Variants in NKAIN2 observed in about 807,000 individuals in gnomAD.
NKAIN2 encodes sodium/potassium-transporting ATPase subunit beta-1-interacting protein 2.
In NKAIN2, 14 loss-of-function variants were observed where a neutral mutation model predicts 32.6. The observed-to-expected ratio is 0.43, with a 90% confidence interval of 0.28 to 0.67. The LOEUF (loss-of-function observed/expected upper bound fraction) is 0.67, where lower values mean the gene tolerates loss of function less well. Ranked by LOEUF, NKAIN2 falls within the 30% of genes least tolerant of loss-of-function variation. The pLI, the probability that NKAIN2 is intolerant of heterozygous loss-of-function variation, is 0.17. For missense variants in NKAIN2, 198 were observed against 258.3 expected (o/e 0.77, Z 1.60); for synonymous variants, 80 against 87.2 (o/e 0.92, Z 0.46).
intron 1 of NKAIN2, among the ~76,000 whole-genome samples, chr6:123,852,646 G>A (rs59250482): frequency 0.39 from 59,959 of 151,978 alleles, 11,970 homozygotes; most frequent in African/African-American, 0.42. Context: ...TAAAGAAAAC[G>A]TGGAAAATAC....
At chr6:124,266,363 G>C (rs370222864) in intron 1 of NKAIN2, among the ~76,000 whole-genome samples, 1 of 151,980 alleles carries the variant, frequency 6.6e-6, no homozygotes, top group Non-Finnish European at 1.5e-5. Flanking sequence ...CTTTAGCCTC[G>C]ACTTCTTGAG....
intron 3 of NKAIN2, among the ~76,000 whole-genome samples, chr6:124,639,354 G>GGT (rs1292960416): frequency 6.6e-6 from 1 of 152,094 alleles, no homozygotes; most frequent in Non-Finnish European, 1.5e-5. Flanking sequence ...AAGAAAATAC[G>GGT]GTGTATATAG....
chr6:124,128,459 T>G (rs1359387649), intron 1 of NKAIN2, among the ~76,000 whole-genome samples: 2 of 152,192 alleles, frequency 1.3e-5, no homozygotes, highest in African/African-American at 4.8e-5. Flanking sequence ...TATTTAATAT[T>G]TATTGGGTGT....
chr6:124,025,629 C>T (rs766521350), intron 1 of NKAIN2, among the ~76,000 whole-genome samples: 76 of 152,160 alleles, frequency 5.0e-4, no homozygotes, highest in Middle Eastern at 3.4e-3. Context: ...ATCATGATGA[C>T]TGTAGTTAAT....
chr6:124,668,497 C>T (rs1375774306), intron 4 of NKAIN2, among the ~76,000 whole-genome samples: 1 of 152,096 alleles, frequency 6.6e-6, no homozygotes, highest in Non-Finnish European at 1.5e-5. Context: ...TTCCCTACCC[C>T]CTGTTCCATA....
chr6:124,101,959 G>C (rs1020793018), intron 1 of NKAIN2, among the ~76,000 whole-genome samples: 4 of 152,144 alleles, frequency 2.6e-5, no homozygotes, highest in South Asian at 4.1e-4. Flanking sequence ...TCCAAAAGCT[G>C]TCTGTACCAA....
chr6:124,382,945 A>G (rs1460676626), intron 3 of NKAIN2, among the ~76,000 whole-genome samples: 2 of 152,164 alleles, frequency 1.3e-5, no homozygotes, highest in Non-Finnish European at 2.9e-5. Context: ...AAAGTGGCTT[A>G]TATGTTTCAC....
intron 1 of NKAIN2, among the ~76,000 whole-genome samples, chr6:124,144,899 A>G (rs575254466): frequency 1.3e-5 from 2 of 152,326 alleles, no homozygotes; most frequent in Non-Finnish European, 1.5e-5. Context: ...AGAAAAAGCT[A>G]GTATCTAGAA....
chr6:124,754,402 G>C (rs112208592), intron 4 of NKAIN2, among the ~76,000 whole-genome samples: 1,522 of 151,750 alleles, frequency 0.01, 15 homozygotes, highest in African/African-American at 0.035. Context: ...TAAATGCTGG[G>C]GTTAACATGA....
At chr6:123,922,694 T>G (rs1775811290) in intron 1 of NKAIN2, among the ~76,000 whole-genome samples, 1 of 152,180 alleles carries the variant, frequency 6.6e-6, no homozygotes, top group African/African-American at 2.4e-5. Flanking sequence ...GGATTGTACT[T>G]ACAAAGGAAT....
intron 3 of NKAIN2, among the ~76,000 whole-genome samples, chr6:124,631,479 T>TAATC (rs1783565180): frequency 6.6e-6 from 1 of 152,224 alleles, no homozygotes; most frequent in South Asian, 2.1e-4. Flanking sequence ...CTCTGTCTTA[T>TAATC]AATCACCAGA....
chr6:123,847,982 G>A (rs1775162308), intron 1 of NKAIN2, among the ~76,000 whole-genome samples: 1 of 152,118 alleles, frequency 6.6e-6, no homozygotes. Flanking sequence ...TCAAGCAGCA[G>A]CGTTCTAGCT....
chr6:124,418,995 C>T (rs1774625172), intron 3 of NKAIN2, among the ~76,000 whole-genome samples: 1 of 152,128 alleles, frequency 6.6e-6, no homozygotes, highest in Admixed American at 6.6e-5. Context: ...ATGATTCTCT[C>T]TAAAATGACT....
intron 1 of NKAIN2, among the ~76,000 whole-genome samples, chr6:124,087,466 G>T (rs72974595): frequency 6.6e-6 from 1 of 151,932 alleles, no homozygotes; most frequent in Non-Finnish European, 1.5e-5. Context: ...ATATACATTG[G>T]AAAGGAAGAA....
At position 123,906,277 on chromosome 6, in the gene NKAIN2, C is replaced by A. The variant is rs546663163; in HGVS notation, c.54+102023C>A. Among the ~76,000 whole-genome samples the A allele has an allele frequency of 5.3e-5, 8 of 151,540 alleles. No individual in the cohort carries two copies. The East Asian group carries it at 1.6e-3, about 29-fold the overall frequency. On this transcript the variant is annotated intron_variant, in intron 1 of 6. Transcript: ENST00000368417. ...TTAGCACCACTTTCTTCTTCTTCTTCTTCTACTTTTTTTTTTTTCCTTTTC... is the reference window on the plus strand; with the variant it reads ...TTAGCACCACTTTCTTCTTCTTCTTATTCTACTTTTTTTTTTTTCCTTTTC...
intron 3 of NKAIN2, among the ~76,000 whole-genome samples, chr6:124,577,923 G>A (rs956634155): frequency 3.3e-5 from 5 of 152,160 alleles, no homozygotes; most frequent in African/African-American, 7.2e-5. Context: ...ATTCCAGGCC[G>A]TACCTTCTAG....
At chr6:124,418,622 G>T (rs550861126) in intron 3 of NKAIN2, among the ~76,000 whole-genome samples, 1 of 148,990 alleles carries the variant, frequency 6.7e-6, no homozygotes, top group Non-Finnish European at 1.5e-5. Context: ...TGAGCAAATC[G>T]TATACAACAA....
chr6:124,409,590 G>T (rs1044942856), intron 3 of NKAIN2, among the ~76,000 whole-genome samples: 2 of 152,132 alleles, frequency 1.3e-5, no homozygotes, highest in African/African-American at 4.8e-5. Context: ...GCTGGATGCG[G>T]TTTGCCAGTA....
At chr6:124,127,038 T>C (rs1455351529) in intron 1 of NKAIN2, among the ~76,000 whole-genome samples, 1 of 152,142 alleles carries the variant, frequency 6.6e-6, no homozygotes, top group Non-Finnish European at 1.5e-5. Flanking sequence ...TATGATATGT[T>C]TCTGAATTAG....
Sources: allele counts gnomAD v4.1 joint callset (sites outside exome capture counted in the v4.1 genomes callset), GRCh38; gene constraint gnomAD v4.1.1; transcripts MANE v1.5; gene names NCBI Gene and HGNC (gene_info 2026-07-23, HGNC 2026-07-21).